Variants in UTY observed in about 807,000 individuals in gnomAD.
The protein encoded by UTY is ubiquitously transcribed tetratricopeptide repeat containing, Y-linked, also known as histone demethylase UTY.
UTY carries 12 observed loss-of-function variants against 32.5 expected under a neutral mutation model. The ratio of observed to expected loss-of-function variants is 0.37; its 90% CI spans 0.24 to 0.60. The LOEUF is 0.60. Ranked by LOEUF, UTY falls within the 20% of genes least tolerant of loss-of-function variation. The pLI is 0.69. For missense variants in UTY, 303 were observed against 299.2 expected (o/e 1.01, Z -0.09); for synonymous variants, 131 against 103.4 (o/e 1.27, Z -1.62).
At position 13,359,996 on chromosome Y, in the gene UTY, A is replaced by G; in HGVS notation, c.966-10T>C. On this transcript the variant is annotated splice_polypyrimidine_tract_variant and intron_variant, in intron 11 of 29. Coordinates refer to ENST00000545955, the MANE Select transcript of UTY (RefSeq NM_001258249.2). The stretch of plus-strand genomic sequence containing the variant: ...CTGCTGATACAACACACTGGAAAGA[A>G]AAAGAATGCTGTCAAAAACTACTGG... 2.6e-6 allele frequency: 1 copy of G among 389,716 alleles called. No homozygotes were observed. Among genetic ancestry groups the G allele is most frequent in the Non-Finnish European group, 3.6e-6 (1 of 276,488 alleles).
chrY:13,368,410 C>T (rs2064494357), intron 9 of UTY, among the ~76,000 whole-genome samples: 1 of 30,072 alleles, frequency 3.3e-5, no homozygotes, highest in Non-Finnish European at 7.9e-5. Flanking sequence ...GACAGAGTCT[C>T]GTTCTGTTTC....
chrY:13,456,064 C>T (rs2076783241), intron 3 of UTY, among the ~76,000 whole-genome samples: 1 of 32,551 alleles, frequency 3.1e-5, no homozygotes, highest in Admixed American at 2.9e-4. Context: ...AGGGGTAGGG[C>T]ACTAAGCAAC....
At chrY:13,419,974 A>G (rs552660857) in intron 4 of UTY, among the ~76,000 whole-genome samples, 66 of 33,888 alleles carry the variant, frequency 1.9e-3, no homozygotes, top group South Asian at 7.3e-3. Flanking sequence ...TGCTGAATAC[A>G]TACCACTTTC....
intron 3 of UTY, among the ~76,000 whole-genome samples, chrY:13,464,627 C>T (rs1038122857): frequency 3.1e-5 from 1 of 31,867 alleles, no homozygotes; most frequent in Non-Finnish European, 7.6e-5. Context: ...TAAAAATTAG[C>T]TGGGTGTGGT....
chrY:13,479,497 G>A lies in UTY; in HGVS notation c.152+17C>T. 5.0e-6 allele frequency: 2 copies of A among 398,602 alleles called. No homozygotes were observed. The highest frequency in any genetic ancestry group is 7.1e-6 in the Non-Finnish European group (2 of 283,538). The stretch of plus-strand genomic sequence containing the variant: ...AGAGTATCGCCAGCCAACCAGGCGG[G>A]TGATGGAGGTGCGTACCTGTCCATG... On this transcript the variant is annotated intron_variant, in intron 1 of 29. Coordinates refer to ENST00000545955, the MANE Select transcript of UTY (RefSeq NM_001258249.2).
intron 28 of UTY, among the ~76,000 whole-genome samples, chrY:13,259,376 G>A: frequency 3.0e-5 from 1 of 33,777 alleles, no homozygotes; most frequent in Non-Finnish European, 7.3e-5. Context: ...ATCAACCACC[G>A]TTTTTTCTGA....
At chrY:13,298,083 C>T (rs934775899) in intron 26 of UTY, among the ~76,000 whole-genome samples, 2 of 33,211 alleles carry the variant, frequency 6.0e-5, no homozygotes, top group Non-Finnish European at 1.5e-4. Flanking sequence ...CTCATTTTAT[C>T]CTTTCAAGGC....
intron 27 of UTY, among the ~76,000 whole-genome samples, chrY:13,288,814 G>C: frequency 3.0e-5 from 1 of 33,597 alleles, no homozygotes; most frequent in Non-Finnish European, 7.4e-5. Flanking sequence ...TATCAAAATA[G>C]ACTAGCTCTT....
At chrY:13,279,739 C>T in intron 27 of UTY, among the ~76,000 whole-genome samples, 1 of 33,196 alleles carries the variant, frequency 3.0e-5, no homozygotes. Flanking sequence ...AGTAAGGCAC[C>T]AGGGGTCAGT....
intron 5 of UTY, among the ~76,000 whole-genome samples, chrY:13,413,655 G>A (rs111661915): frequency 0.064 from 2,247 of 34,895 alleles, no homozygotes; most frequent in South Asian, 0.42. Context: ...CAGCGTTCCC[G>A]TAGTCCAGTT....
intron 27 of UTY, among the ~76,000 whole-genome samples, chrY:13,285,846 A>G (rs2057330383): frequency 2.9e-5 from 1 of 34,333 alleles, no homozygotes; most frequent in South Asian, 6.3e-4. Context: ...AAAGGACACC[A>G]TTAGCTAATG....
At chrY:13,328,547 C>A (rs1006006445) in intron 18 of UTY, among the ~76,000 whole-genome samples, 1 of 33,831 alleles carries the variant, frequency 3.0e-5, no homozygotes, top group Non-Finnish European at 7.4e-5. Context: ...ACTATCATTT[C>A]TCATTCTGGC....
chrY:13,307,382 T>C (rs956879204), intron 21 of UTY, among the ~76,000 whole-genome samples: 1 of 32,541 alleles, frequency 3.1e-5, no homozygotes, highest in Non-Finnish European at 7.5e-5. Context: ...AATCCACATG[T>C]AAAAGAATGA....
intron 10 of UTY, among the ~76,000 whole-genome samples, chrY:13,365,749 C>T (rs1038451106): frequency 3.1e-5 from 1 of 32,443 alleles, no homozygotes; most frequent in Admixed American, 2.8e-4. Context: ...AATGTAGGTT[C>T]GAAGAGCTAT....
chrY:13,340,368 AC>A (rs2061405123), intron 17 of UTY, among the ~76,000 whole-genome samples: 1 of 31,743 alleles, frequency 3.2e-5, no homozygotes, highest in African/African-American at 1.2e-4. Flanking sequence ...TAGAAAGTCC[AC>A]CCCCCCATGC....
chrY:13,409,230 T>C (rs779730522), intron 6 of UTY, among the ~76,000 whole-genome samples: 51 of 33,826 alleles, frequency 1.5e-3, no homozygotes, highest in South Asian at 2.5e-3. Flanking sequence ...AATGTTACTC[T>C]GAATTTGAGA....
intron 6 of UTY, among the ~76,000 whole-genome samples, chrY:13,408,321 A>G (rs2070364509): frequency 3.1e-5 from 1 of 32,641 alleles, no homozygotes. Flanking sequence ...TACACCTGGT[A>G]AGTATCTTCT....
intron 18 of UTY, 57 bp downstream of exon 18, chrY:13,335,506 T>C: frequency 2.8e-6 from 1 of 353,308 alleles, no homozygotes; most frequent in Non-Finnish European, 4.1e-6. Flanking sequence ...ATTTTATTTG[T>C]CTCATCTGGC....
intron 4 of UTY, among the ~76,000 whole-genome samples, chrY:13,437,843 G>A (rs751014904): frequency 1.8e-3 from 56 of 31,402 alleles, no homozygotes; most frequent in Admixed American, 4.9e-3. Context: ...CAGTCACAAA[G>A]TGACATCAAA....
Sources: gnomAD v4.1 joint callset for allele counts (sites outside exome capture counted in the v4.1 genomes callset) on GRCh38, gnomAD v4.1.1 for gene constraint, MANE v1.5 for transcripts, NCBI Gene and HGNC (gene_info 2026-07-23, HGNC 2026-07-21) for gene names.